The following MYZAP variants were observed in gnomAD, a reference collection of about 807,000 sequenced individuals.
MYZAP encodes myocardial zonula adherens protein.
In MYZAP, 66 loss-of-function variants were observed where a neutral mutation model predicts 69.4. That is an observed-to-expected ratio of 0.95 (90% CI 0.78 to 1.17). The LOEUF is 1.17. MYZAP is among the 50% of genes most tolerant of loss of function. MYZAP has a pLI of 0.00. For synonymous variants in MYZAP, 256 were observed against 205.9 expected (o/e 1.24, Z -2.09); for missense variants, 611 against 556.2 (o/e 1.10, Z -0.99).
chr15:57,632,552 C>T lies in MYZAP; in HGVS notation c.797C>T (p.Ala266Val). Residue 266 changes from alanine (A) to valine (V), a missense_variant, in exon 7 of 13, where the codon GCT becomes GTT. By Grantham distance (64) the Ala-to-Val change is moderately conservative. Transcript: ENST00000267853. ...AGGAAGCACAGTGCTGAGAAGGAGG[C>T]TCTTTTGGTGTGTGTGTTGTAGCTG... ...EQRKHSAEKE[A>V]LLEETNSFLK... 1.2e-6 allele frequency: 2 copies of T among 1,613,966 alleles called. No individual in the cohort carries two copies. The highest frequency in any genetic ancestry group is 1.1e-5 in the South Asian group (1 of 91,046).
chr15:57,658,386 T>G (rs1456150643), intron 10 of MYZAP, among the ~76,000 whole-genome samples: 1 of 152,220 alleles, frequency 6.6e-6, no homozygotes, highest in Middle Eastern at 3.2e-3. Flanking sequence ...TTGCTATTAT[T>G]TAATACCAAC....
chr15:57,637,587 A>G, intron 8 of MYZAP, 108 bp from the exon 9 acceptor site: 1 of 1,227,630 alleles, frequency 8.1e-7, no homozygotes, highest in Non-Finnish European at 1.1e-6. Context: ...TGTAAAACCC[A>G]GGGGGTGTCA....
At chr15:57,608,014 C>T (rs1266611792) in intron 2 of MYZAP, among the ~76,000 whole-genome samples, 3 of 152,178 alleles carry the variant, frequency 2.0e-5, no homozygotes, top group Non-Finnish European at 2.9e-5. Context: ...TCCCTGGTCA[C>T]GTAACTTTGG....
chr15:57,647,771 A>T (rs1169995430), intron 10 of MYZAP: 12 of 985,208 alleles, frequency 1.2e-5, no homozygotes, highest in Non-Finnish European at 1.3e-5. Flanking sequence ...CTCATTGTTG[A>T]TCTTCTTAGA....
At chr15:57,666,710 A>T (rs139952995) in intron 11 of MYZAP, among the ~76,000 whole-genome samples, 52 of 152,216 alleles carry the variant, frequency 3.4e-4, no homozygotes, top group African/African-American at 1.2e-3. Flanking sequence ...AAAACCACCT[A>T]CTAGGTACTA....
At chr15:57,628,609 T>A (rs1184324656) in intron 5 of MYZAP, among the ~76,000 whole-genome samples, 2 of 152,160 alleles carry the variant, frequency 1.3e-5, no homozygotes, top group Non-Finnish European at 2.9e-5. Context: ...AAATTACTTG[T>A]GCGGCTTGGA....
At chr15:57,673,734 C>G (rs980230052) in intron 11 of MYZAP, among the ~76,000 whole-genome samples, 1 of 152,178 alleles carries the variant, frequency 6.6e-6, no homozygotes, top group Non-Finnish European at 1.5e-5. Flanking sequence ...TGGTATCAAC[C>G]TTTCAGAGCG....
chr15:57,673,416 CTCTT>C (rs1314426242), intron 11 of MYZAP, among the ~76,000 whole-genome samples: 1 of 151,334 alleles, frequency 6.6e-6, no homozygotes, highest in Non-Finnish European at 1.5e-5. Context: ...AGCTCACTGT[CTCTT>C]TCTCTCTCTC....
chr15:57,663,891 A>T (rs1478095835), intron 11 of MYZAP, among the ~76,000 whole-genome samples: 1 of 152,160 alleles, frequency 6.6e-6, no homozygotes, highest in Non-Finnish European at 1.5e-5. Context: ...TTAAATTCCA[A>T]TACAAATTTA....
At position 57,646,280 on chromosome 15, in the gene MYZAP, G is replaced by C. The variant is rs2037442495; in HGVS notation, c.1119+6735G>C. ...GTACACTCTCTGCTGGGAAGAGGTG[G>C]TATTTATCTATGATGAGCCAATGAA... On this transcript the variant is annotated intron_variant, in intron 10 of 12. Transcript: ENST00000267853. The C allele has an allele frequency of 3.1e-6, 4 of 1,273,780 alleles. No homozygotes were observed. The South Asian group carries it at 5.1e-5, about 16-fold the overall frequency. 78.9% of individuals were successfully genotyped at this position (1,273,780 alleles called of 1,614,324 possible). A position where few individuals can be genotyped will look rare whatever the true frequency, so the allele number is the denominator to read the frequency against.
intron 11 of MYZAP, among the ~76,000 whole-genome samples, chr15:57,663,618 T>A (rs2038418679): frequency 6.6e-6 from 1 of 152,124 alleles, no homozygotes; most frequent in Non-Finnish European, 1.5e-5. Flanking sequence ...CTCCCATCAG[T>A]CATTAGCTGA....
In MYZAP at chr15:57,592,034, G is replaced by A. The variant is rs1355319001; in HGVS notation, c.-1G>A. 6.3e-6 allele frequency: 9 copies of A among 1,436,772 alleles called. No homozygotes were observed. Among genetic ancestry groups the A allele is most frequent in the Middle Eastern group, 2.4e-4 (1 of 4,134 alleles). 89.0% of individuals were successfully genotyped at this position (1,436,772 alleles called of 1,614,324 possible). A position where few individuals can be genotyped will look rare whatever the true frequency, so the allele number is the denominator to read the frequency against. ...AGCCCGCTACCGACCGCCGCTGCGGGATGCTGCGCTCCACGTCCACGGTCA... is the reference window on the plus strand; with the variant it reads ...AGCCCGCTACCGACCGCCGCTGCGGAATGCTGCGCTCCACGTCCACGGTCA... On this transcript the variant is annotated 5_prime_UTR_variant, in exon 1 of 13. Transcript: ENST00000267853.
intron 1 of MYZAP, among the ~76,000 whole-genome samples, chr15:57,602,417 A>G (rs1232791152): frequency 6.6e-6 from 1 of 152,116 alleles, no homozygotes; most frequent in Non-Finnish European, 1.5e-5. Flanking sequence ...ATCGCCCTGT[A>G]TGTGTGTCTC....
At chr15:57,612,240 G>T (rs1376578016) in intron 2 of MYZAP, among the ~76,000 whole-genome samples, 1 of 152,140 alleles carries the variant, frequency 6.6e-6, no homozygotes, top group Non-Finnish European at 1.5e-5. Flanking sequence ...TTCCAGTCTG[G>T]AAGTCACACG....
intron 6 of MYZAP, among the ~76,000 whole-genome samples, chr15:57,631,562 C>T (rs148938597): frequency 3.3e-5 from 5 of 152,062 alleles, no homozygotes; most frequent in African/African-American, 1.2e-4. Context: ...GCAAGCTGTG[C>T]GTGCACTGCA....
At chr15:57,612,784 G>A (rs1595865543) in intron 2 of MYZAP, among the ~76,000 whole-genome samples, 1 of 152,158 alleles carries the variant, frequency 6.6e-6, no homozygotes, top group Non-Finnish European at 1.5e-5. Context: ...ATAGTATGGG[G>A]CCTGTAGGTA....
At chr15:57,633,134 C>T (rs539767850) in intron 7 of MYZAP, among the ~76,000 whole-genome samples, 5 of 152,280 alleles carry the variant, frequency 3.3e-5, no homozygotes, top group African/African-American at 9.6e-5. Flanking sequence ...GCGGGGACTC[C>T]ATGTCTGGCT....
intron 2 of MYZAP, among the ~76,000 whole-genome samples, chr15:57,607,842 G>A (rs1359890148): frequency 1.2e-4 from 18 of 152,144 alleles, no homozygotes; most frequent in African/African-American, 2.9e-4. Context: ...GAGTGATTTC[G>A]TCACCATGTC....
Position 57,684,747 on chromosome 15 carries a change from G to C in MYZAP, c.*249G>C, listed in dbSNP as rs1178910282. The C allele has an allele frequency of 3.1e-6, 1 of 322,380 alleles. No homozygotes were observed. Among genetic ancestry groups the C allele is most frequent in the African/African-American group, 2.1e-5 (1 of 46,594 alleles). The allele number at this position is 322,380 out of a possible 1,614,324, so 20.0% of individuals were successfully genotyped here. A position where few individuals can be genotyped will look rare whatever the true frequency, so the allele number is the denominator to read the frequency against. The stretch of plus-strand genomic sequence containing the variant: ...ACCCTGCCGTACTGCATCATCATTT[G>C]TTTTCTTTGTAGACACTGAAATCCT... On this transcript the variant is annotated 3_prime_UTR_variant, in exon 13 of 13. Transcript: ENST00000267853.
Sources: allele counts gnomAD v4.1 joint callset (sites outside exome capture counted in the v4.1 genomes callset), GRCh38; gene constraint gnomAD v4.1.1; transcripts MANE v1.5; gene names NCBI Gene and HGNC (gene_info 2026-07-23, HGNC 2026-07-21).